CNTN5: variants seen among roughly 807,000 people sequenced by gnomAD.
CNTN5 encodes contactin 5.
A neutral mutation model predicts 129.1 loss-of-function variants in CNTN5; 77 were observed. The ratio of observed to expected loss-of-function variants is 0.60; its 90% CI spans 0.50 to 0.72. The LOEUF (loss-of-function observed/expected upper bound fraction) is 0.72. Ranked by LOEUF, CNTN5 falls within the 30% of genes least tolerant of loss-of-function variation. The pLI is 0.00. For missense variants in CNTN5, 1,478 were observed against 1,328.8 expected (o/e 1.11, Z -1.75); for synonymous variants, 509 against 465.6 (o/e 1.09, Z -1.20).
chr11:99,961,255 G>C (rs1442178889), intron 8 of CNTN5, among the ~76,000 whole-genome samples: 1 of 149,712 alleles, frequency 6.7e-6, no homozygotes, highest in Non-Finnish European at 1.5e-5. Context: ...GGAAGCCAAG[G>C]GGAAATAAGG....
At chr11:99,079,075 A>G (rs934582783) in intron 1 of CNTN5, among the ~76,000 whole-genome samples, 5 of 152,144 alleles carry the variant, frequency 3.3e-5, no homozygotes, top group Admixed American at 6.6e-5. Flanking sequence ...ATATATACCC[A>G]TCTACCTATA....
At chr11:99,266,192 TAAA>T (rs892792011) in intron 1 of CNTN5, among the ~76,000 whole-genome samples, 40 of 152,168 alleles carry the variant, frequency 2.6e-4, no homozygotes, top group African/African-American at 8.9e-4. Flanking sequence ...ACAAAATAAA[TAAA>T]TAAATAAGTA....
intron 1 of CNTN5, among the ~76,000 whole-genome samples, chr11:99,104,556 AT>A (rs1158954494): frequency 6.6e-6 from 1 of 152,108 alleles, no homozygotes; most frequent in African/African-American, 2.4e-5. Flanking sequence ...TACAAAAAAA[AT>A]AAGTAGTTAA....
intron 1 of CNTN5, among the ~76,000 whole-genome samples, chr11:99,131,249 G>GAAAAAAAAAAAAAAAAAAAAAAAAAAAAA (rs71046664): frequency 1.5e-5 from 1 of 67,192 alleles, no homozygotes. Context: ...CTCCATCTCA[G>GAAAAAAAAAAAAAAAAAAAAAAAAAAAAA]AAAAAAAAAA....
chr11:99,210,309 C>T (rs1402220687), intron 1 of CNTN5, among the ~76,000 whole-genome samples: 1 of 152,194 alleles, frequency 6.6e-6, no homozygotes, highest in East Asian at 1.9e-4. Flanking sequence ...TGCTTTCCCT[C>T]ATAGTACATC....
At chr11:99,733,699 C>G (rs1478951893) in intron 3 of CNTN5, among the ~76,000 whole-genome samples, 1 of 152,120 alleles carries the variant, frequency 6.6e-6, no homozygotes, top group Non-Finnish European at 1.5e-5. Context: ...GGTGCTAACT[C>G]TGATGGAGGG....
At chr11:99,138,472 A>G (rs998034251) in intron 1 of CNTN5, among the ~76,000 whole-genome samples, 2 of 152,078 alleles carry the variant, frequency 1.3e-5, no homozygotes, top group African/African-American at 4.8e-5. Context: ...ACAAATTGTC[A>G]CTCCCTTATA....
intron 13 of CNTN5, among the ~76,000 whole-genome samples, chr11:100,127,607 G>A (rs1946233627): frequency 6.8e-6 from 1 of 146,292 alleles, no homozygotes; most frequent in Non-Finnish European, 1.5e-5. Flanking sequence ...AAAGCCAAAT[G>A]AATCTTAATG....
At chr11:99,611,772 G>A (rs967049475) in intron 3 of CNTN5, among the ~76,000 whole-genome samples, 2 of 152,044 alleles carry the variant, frequency 1.3e-5, no homozygotes, top group African/African-American at 4.8e-5. Context: ...CATTTGACCA[G>A]GAAACAAAAT....
chr11:99,969,004 A>T (rs2136219195), intron 8 of CNTN5, among the ~76,000 whole-genome samples: 1 of 152,228 alleles, frequency 6.6e-6, no homozygotes, highest in South Asian at 2.1e-4. Context: ...CATCAAAAAA[A>T]TTTTGGACGA....
chr11:99,456,017 A>T (rs1418438741), intron 2 of CNTN5, among the ~76,000 whole-genome samples: 2 of 152,176 alleles, frequency 1.3e-5, no homozygotes, highest in African/African-American at 2.4e-5. Context: ...TTTCTGTTTC[A>T]GAAGTCAATT....
At chr11:100,293,285 A>G (rs1392139726) in intron 18 of CNTN5, among the ~76,000 whole-genome samples, 1 of 151,872 alleles carries the variant, frequency 6.6e-6, no homozygotes, top group African/African-American at 2.4e-5. Flanking sequence ...GGAGGTTTAT[A>G]AATCAGAAAA....
chr11:99,865,469 A>G lies in CNTN5; in HGVS notation c.577+20207A>G, dbSNP rs1948330511. Among the ~76,000 whole-genome samples, 8 of 151,930 alleles carry G rather than the reference A, an allele frequency of 5.3e-5. 1 individual carries two copies. In the South Asian group the frequency reaches 1.7e-3, roughly 31 times the overall value. On this transcript the variant is annotated intron_variant, in intron 6 of 24. Coordinates refer to ENST00000524871, the MANE Select transcript of CNTN5 (RefSeq NM_014361.4). Reference sequence around the variant, plus strand: ...ATCAATTTTTTTTATTTTACCAGGAAAAAATCATGGCTTATAAAATTATTA... The same window carrying G: ...ATCAATTTTTTTTATTTTACCAGGAGAAAATCATGGCTTATAAAATTATTA...
At position 99,271,529 on chromosome 11, in the gene CNTN5, T is replaced by C. The variant is rs144019973; in HGVS notation, c.-209-53817T>C. Among the ~76,000 whole-genome samples the C allele has an allele frequency of 3.9e-5, 6 of 152,014 alleles. No homozygotes were observed. In the East Asian group the frequency reaches 9.7e-4, roughly 25 times the overall value. On this transcript the variant is annotated intron_variant, in intron 1 of 24. Coordinates refer to ENST00000524871, the MANE Select transcript of CNTN5 (RefSeq NM_014361.4). Reference sequence around the variant, plus strand: ...ACATAACAAATTACTCCAAAATTCATAGCCTAAAGCATCATATATTTACCA... The same window carrying C: ...ACATAACAAATTACTCCAAAATTCACAGCCTAAAGCATCATATATTTACCA...
At chr11:99,531,170 A>C (rs2135467582) in intron 2 of CNTN5, among the ~76,000 whole-genome samples, 1 of 152,256 alleles carries the variant, frequency 6.6e-6, no homozygotes, top group South Asian at 2.1e-4. Flanking sequence ...TCTCAGATGG[A>C]GATGAGGAAC....
chr11:99,929,105 G>A (rs908649302), intron 7 of CNTN5, among the ~76,000 whole-genome samples: 1 of 152,254 alleles, frequency 6.6e-6, no homozygotes, highest in South Asian at 2.1e-4. Context: ...CTAAAACATA[G>A]CAAGAGTCAC....
intron 2 of CNTN5, among the ~76,000 whole-genome samples, chr11:99,441,059 G>A (rs1943809452): frequency 6.6e-6 from 1 of 152,060 alleles, no homozygotes; most frequent in African/African-American, 2.4e-5. Context: ...GCCTCAAGGA[G>A]TCCTGCCACT....
At chr11:99,214,303 T>G (rs1230677205) in intron 1 of CNTN5, among the ~76,000 whole-genome samples, 1 of 151,432 alleles carries the variant, frequency 6.6e-6, no homozygotes, top group Admixed American at 6.6e-5. Flanking sequence ...GTGACTAGAC[T>G]TTGGGAGTTA....
chr11:99,243,375 G>C (rs1489838747), intron 1 of CNTN5, among the ~76,000 whole-genome samples: 2 of 151,988 alleles, frequency 1.3e-5, no homozygotes, highest in Non-Finnish European at 2.9e-5. Flanking sequence ...ATTGGATGTG[G>C]AGTTTGTGAA....
Sources: allele counts gnomAD v4.1 joint callset (sites outside exome capture counted in the v4.1 genomes callset), GRCh38; gene constraint gnomAD v4.1.1; transcripts MANE v1.5; gene names NCBI Gene and HGNC (gene_info 2026-07-23, HGNC 2026-07-21).